The following KIF1A variants were observed in gnomAD, a reference collection of about 807,000 sequenced individuals.
KIF1A encodes the protein kinesin family member 1A, also known as kinesin-like protein KIF1A.
In KIF1A, 46 loss-of-function variants were observed where a neutral mutation model predicts 227.3. That is an observed-to-expected ratio of 0.20 (90% confidence interval 0.16 to 0.26). The LOEUF (loss-of-function observed/expected upper bound fraction) is 0.26. Among genes scored for constraint, KIF1A ranks in the 10% least tolerant of loss-of-function variants. KIF1A has a pLI of 1.00. For synonymous variants in KIF1A, 1,022 were observed against 1,012.8 expected, an observed-to-expected ratio of 1.01 and a Z score of -0.17; for missense variants, 1,683 against 2,485.9, an observed-to-expected ratio of 0.68 and a Z score of 6.87.
rs1276338228 is a variant in KIF1A, at chr2:240,752,124, CT to C, written c.2859-1578del. On this transcript the variant is annotated intron_variant, in intron 27 of 48. Coordinates refer to ENST00000498729, the MANE Select transcript of KIF1A (RefSeq NM_001244008.2). This position sits in a 1 kb window ranked among gnomAD's most constrained non-coding sequence, Gnocchi z 6.4. The stretch of plus-strand genomic sequence containing the variant: ...CGGGGGTAAAGGAAGCCCCTGGTGG[CT>C]TTTTGGGCCCTCTCCCCAGCACAAC... 6.6e-6 allele frequency among the ~76,000 whole-genome samples: 1 copy of C among 151,924 alleles called. No individual in the cohort carries two copies. The highest frequency in any genetic ancestry group is 2.4e-5 in the African/African-American group (1 of 41,358).
chr2:240,732,161 A>ATGAGGGGGTGGGGG (rs2046758165), intron 38 of KIF1A, among the ~76,000 whole-genome samples: 1 of 55,176 alleles, frequency 1.8e-5, no homozygotes, highest in Non-Finnish European at 3.5e-5. Flanking sequence ...GGAGGAGGGG[A>ATGAGGGGGTGGGGG]GGAGAGGATA....
chr2:240,760,938 CT>C, intron 24 of KIF1A, 95 bp from the exon 25 acceptor site: 1 of 1,228,634 alleles, frequency 8.1e-7, no homozygotes, highest in Non-Finnish European at 1.1e-6. Flanking sequence ...GAGATTTCAG[CT>C]GCCTGCCCCA....
intron 10 of KIF1A, among the ~76,000 whole-genome samples, chr2:240,780,702 C>A: frequency 6.6e-6 from 1 of 151,698 alleles, no homozygotes; most frequent in East Asian, 1.9e-4. Context: ...TCCTCTGGTC[C>A]TCACACAGGT....
rs2054377646 is a variant in KIF1A at position 240,783,826 on chromosome 2, T to TA, written c.721-11dup. On this transcript the variant is annotated splice_polypyrimidine_tract_variant and intron_variant, in intron 7 of 48. Transcript: ENST00000498729. ...GGCTGATTTTGCTCACCTGAAACAG[T>TA]AGATACATCACATGCAGGAAAGGCC... 10 of 1,581,066 alleles carry TA rather than the reference T, an allele frequency of 6.3e-6. No homozygotes were observed. The highest frequency in any genetic ancestry group is 1.7e-4 in the Middle Eastern group (1 of 6,008).
intron 42 of KIF1A, among the ~76,000 whole-genome samples, 170 bp from the exon 43 acceptor site, chr2:240,722,826 C>G (rs965342171): frequency 4.6e-5 from 7 of 152,166 alleles, no homozygotes; most frequent in African/African-American, 1.7e-4. Context: ...GGAACAGACC[C>G]TGGCGCCCCG....
chr2:240,777,772 C>T (rs763886286), intron 10 of KIF1A, among the ~76,000 whole-genome samples: 8 of 152,352 alleles, frequency 5.3e-5, no homozygotes, highest in South Asian at 4.1e-4. Context: ...GATCCTCAGA[C>T]GGGCCCGGCT....
chr2:240,788,191 G>A lies in KIF1A; in HGVS notation c.223C>T (p.Arg75Trp), dbSNP rs778224699. The A allele has an allele frequency of 6.3e-5, 101 of 1,613,706 alleles. No homozygotes were observed. The highest frequency in any genetic ancestry group is 6.9e-5 in the Non-Finnish European group (82 of 1,179,874). The change falls in exon 4 of 49, where the codon CGG becomes TGG. Residue 75 changes from arginine to tryptophan, a missense_variant. Coordinates refer to ENST00000498729, the MANE Select transcript of KIF1A (RefSeq NM_001244008.2). This position sits in a 1 kb window ranked among gnomAD's most constrained non-coding sequence, Gnocchi z 6.6. Reference sequence around the variant, plus strand: ...TGCAGCATCTCCTCGCCGATGTCCCGGTACACCTGCTTCTGCGACGCGTAG... The same window carrying A: ...TGCAGCATCTCCTCGCCGATGTCCCAGTACACCTGCTTCTGCGACGCGTAG... ...INYASQKQVY[R>W]DIGEEMLQHA... is the part of the protein sequence containing the mutation.
chr2:240,728,541 C>A, intron 38 of KIF1A: 2 of 536,890 alleles, frequency 3.7e-6, no homozygotes, highest in Non-Finnish European at 3.4e-6. Flanking sequence ...GATCTCACGG[C>A]CCCCAGGCTC....
intron 6 of KIF1A, 109 bp downstream of exon 6, chr2:240,786,226 G>C: frequency 9.1e-7 from 1 of 1,100,316 alleles, no homozygotes; most frequent in Non-Finnish European, 1.3e-6. Flanking sequence ...CTCCGCGGGG[G>C]CACAGATGGA....
At position 240,726,569 on chromosome 2, in the gene KIF1A, G is replaced by A. The variant is rs1174801172; in HGVS notation, c.4122+257C>T. Among the ~76,000 whole-genome samples the A allele has an allele frequency of 6.6e-6, 1 of 152,138 alleles. No individual in the cohort carries two copies. The highest frequency in any genetic ancestry group is 1.5e-5 in the Non-Finnish European group (1 of 68,042). On this transcript the variant is annotated intron_variant, in intron 39 of 48. Coordinates refer to ENST00000498729, the MANE Select transcript of KIF1A (RefSeq NM_001244008.2). The surrounding 1 kb of genome is among the most constrained non-coding windows in gnomAD (Gnocchi z 5.2). ...GAGGTTGCAGTGAGACTGCGCCATT[G>A]CACTCCAGCCTGGGCGACAAGAGTG...
chr2:240,742,557 C>T (rs2048102311), intron 34 of KIF1A, among the ~76,000 whole-genome samples: 1 of 152,230 alleles, frequency 6.6e-6, no homozygotes, highest in Admixed American at 6.5e-5. Context: ...TGACCCCACA[C>T]TCTCGCTCCC....
chr2:240,787,624 G>A (rs140397188), intron 4 of KIF1A, among the ~76,000 whole-genome samples: 8 of 152,262 alleles, frequency 5.3e-5, no homozygotes, highest in Admixed American at 1.3e-4. Flanking sequence ...ACCAACTCAC[G>A]TCCAGAGACC....
intron 4 of KIF1A, among the ~76,000 whole-genome samples, chr2:240,787,616 C>A (rs1423026342): frequency 6.6e-6 from 1 of 152,172 alleles, no homozygotes; most frequent in East Asian, 1.9e-4. Context: ...TACTAGTGAC[C>A]AACTCACGTC....
At chr2:240,756,272 A>G (rs894069340) in intron 27 of KIF1A, among the ~76,000 whole-genome samples, 2 of 152,134 alleles carry the variant, frequency 1.3e-5, no homozygotes, top group Admixed American at 1.3e-4. Context: ...TCGCCAAAAA[A>G]AGGTTGCTAT....
intron 2 of KIF1A, among the ~76,000 whole-genome samples, chr2:240,797,354 C>T (rs574831162): frequency 3.3e-5 from 5 of 152,300 alleles, no homozygotes; most frequent in East Asian, 1.9e-4. Flanking sequence ...CACCAGACCC[C>T]GGAGAAGGCA....
At chr2:240,786,312 G>T (rs943624300) in intron 6 of KIF1A, 23 bp downstream of exon 6, 3 of 1,609,554 alleles carry the variant, frequency 1.9e-6, no homozygotes, top group East Asian at 2.2e-5. Context: ...GGGCAGGGAG[G>T]TCCAGTGAGT....
chr2:240,789,687 G>A lies in KIF1A; in HGVS notation c.107-375C>T, dbSNP rs544723522. Among the ~76,000 whole-genome samples the A allele has an allele frequency of 1.1e-4, 17 of 152,094 alleles. No homozygotes were observed. The highest frequency in any genetic ancestry group is 2.4e-4 in the African/African-American group (10 of 41,476). On this transcript the variant is annotated intron_variant, in intron 2 of 48. Coordinates refer to ENST00000498729, the MANE Select transcript of KIF1A (RefSeq NM_001244008.2). This position sits in a 1 kb window ranked among gnomAD's most constrained non-coding sequence, Gnocchi z 4.8. ...GGGCTCACAGCCCCTGCCCTGCCCC[G>A]CCCCCTGCTCAGGCCTTTATGCTCC...
At chr2:240,717,539 C>G in intron 48 of KIF1A, 133 bp from the exon 49 acceptor site, 1 of 766,982 alleles carries the variant, frequency 1.3e-6, no homozygotes, top group Non-Finnish European at 2.2e-6. Context: ...CCCTCACCAC[C>G]TGGGGAAGGG....
chr2:240,780,820 A>AGC (rs1559522497), intron 10 of KIF1A, among the ~76,000 whole-genome samples: 1 of 104,712 alleles, frequency 9.6e-6, no homozygotes, highest in Admixed American at 9.0e-5. Context: ...ACACACACAC[A>AGC]CACACAGCTC....
Sources: allele counts gnomAD v4.1 joint callset (sites outside exome capture counted in the v4.1 genomes callset), GRCh38; gene constraint gnomAD v4.1.1; non-coding constraint Gnocchi (gnomAD v3.1); transcripts MANE v1.5; gene names NCBI Gene and HGNC (gene_info 2026-07-23, HGNC 2026-07-21).